RMDN3: variants seen among roughly 807,000 people sequenced by gnomAD.
RMDN3 encodes regulator of microtubule dynamics 3.
RMDN3 carries 41 observed loss-of-function variants against 61.8 expected under a neutral mutation model. The observed-to-expected ratio is 0.66, with a 90% confidence interval of 0.52 to 0.86. The LOEUF (loss-of-function observed/expected upper bound fraction) is 0.86. Among genes scored for constraint, RMDN3 ranks in the 40% least tolerant of loss-of-function variants. RMDN3 has a pLI of 0.00. For synonymous variants in RMDN3, 247 were observed against 232.0 expected (o/e 1.06, Z -0.59); for missense variants, 557 against 585.3 (o/e 0.95, Z 0.50).
intron 4 of RMDN3, among the ~76,000 whole-genome samples, chr15:40,746,990 GA>G: frequency 6.6e-6 from 1 of 152,146 alleles, no homozygotes; most frequent in Non-Finnish European, 1.5e-5. Flanking sequence ...CCTAGAGAAT[GA>G]AACTCCCAAC....
At chr15:40,749,530 A>T (rs571716572) in intron 4 of RMDN3, among the ~76,000 whole-genome samples, 2 of 152,150 alleles carry the variant, frequency 1.3e-5, no homozygotes, top group African/African-American at 2.4e-5. Context: ...AAAACAAAAC[A>T]AAAACAAAAA....
chr15:40,744,601 G>C (rs1897431527), intron 5 of RMDN3, among the ~76,000 whole-genome samples: 1 of 152,026 alleles, frequency 6.6e-6, no homozygotes, highest in East Asian at 1.9e-4. Context: ...TTGTAATGGG[G>C]CTGGCAGCTT....
chr15:40,740,915 G>A (rs1304974595), intron 6 of RMDN3, among the ~76,000 whole-genome samples: 1 of 151,914 alleles, frequency 6.6e-6, no homozygotes, highest in East Asian at 1.9e-4. Flanking sequence ...GTGAAACCCT[G>A]CCTCTACTAA....
chr15:40,741,343 A>T (rs1034321326), intron 6 of RMDN3, among the ~76,000 whole-genome samples: 7 of 148,360 alleles, frequency 4.7e-5, no homozygotes, highest in African/African-American at 1.5e-4. Flanking sequence ...CCATCTCTTT[A>T]AAAAAAAAAA....
chr15:40,750,722 G>T (rs74011881), intron 4 of RMDN3, among the ~76,000 whole-genome samples: 4,039 of 152,256 alleles, frequency 0.027, 174 homozygotes, highest in African/African-American at 0.093. Context: ...GAAGAATAAA[G>T]GCTGGACAAG....
At position 40,751,429 on chromosome 15, in the gene RMDN3, C is replaced by T. The variant is rs769229479; in HGVS notation, c.521G>A (p.Gly174Glu). 2.5e-6 allele frequency: 4 copies of T among 1,614,166 alleles called. No homozygotes were observed. The highest frequency in any genetic ancestry group is 1.1e-5 in the South Asian group (1 of 91,082). ...GCCTCCAAGAGAGACAACTCACCCC[C>T]CTTCACTCTCAGCATCTGTGAACGT... ...GATFTDAESEGGYTTANAESD... is the reference protein window; with the variant it reads ...GATFTDAESEEGYTTANAESD... The change falls in exon 4 of 13, where the codon GGG becomes GAG. Residue 174 changes from glycine to glutamate, a missense_variant. Transcript: ENST00000338376.
Position 40,736,461 on chromosome 15 carries a change from A to G in RMDN3, c.*80T>C. 7.7e-7 allele frequency: 1 copy of G among 1,296,994 alleles called. No homozygotes were observed. The highest frequency in any genetic ancestry group is 1.5e-5 in the African/African-American group (1 of 68,342). The allele number at this position is 1,296,994 out of a possible 1,614,324, so 80.3% of individuals were successfully genotyped here. On this transcript the variant is annotated 3_prime_UTR_variant, in exon 13 of 13. Transcript: ENST00000338376. The stretch of plus-strand genomic sequence containing the variant: ...CAGATTTGTGTGGTTTCCTGATCTC[A>G]GCAAGGTCTAAGGAAAAAAGCCTCC...
chr15:40,747,130 G>A (rs1897604414), intron 4 of RMDN3, among the ~76,000 whole-genome samples: 2 of 152,222 alleles, frequency 1.3e-5, no homozygotes, highest in Non-Finnish European at 1.5e-5. Flanking sequence ...GCTAGAAGGA[G>A]GGGGAGACCC....
chr15:40,736,662 T>C, intron 12 of RMDN3, 68 bp from the exon 13 acceptor site: 1 of 1,384,830 alleles, frequency 7.2e-7, no homozygotes, highest in South Asian at 1.2e-5. Flanking sequence ...CAGTGGAACC[T>C]AAGAAGAGGG....
intron 5 of RMDN3, 90 bp downstream of exon 5, chr15:40,744,886 TA>T: frequency 7.3e-7 from 1 of 1,365,334 alleles, no homozygotes; most frequent in Non-Finnish European, 9.8e-7. Context: ...GTAGGGGCAG[TA>T]ACCACACGGG....
chr15:40,737,760 T>C, intron 9 of RMDN3, 34 bp from the exon 10 acceptor site: 7 of 1,594,716 alleles, frequency 4.4e-6, no homozygotes, highest in Non-Finnish European at 6.0e-6. Context: ...GTATAAGAGG[T>C]TTTAAAAGGT....
Position 40,736,379 on chromosome 15 carries a change from G to T in RMDN3, c.*162C>A. The T allele has an allele frequency of 3.1e-6, 2 of 638,042 alleles. No homozygotes were observed. The highest frequency in any genetic ancestry group is 5.6e-6 in the Non-Finnish European group (2 of 358,428). 39.5% of individuals were successfully genotyped at this position (638,042 alleles called of 1,614,324 possible). ...TGCCCCAATTCTAGATTAGGTTAGA[G>T]GTTAGAATAAATTAACTAATGGGGA... is the stretch of plus-strand genomic sequence containing the variant. On this transcript the variant is annotated 3_prime_UTR_variant, in exon 13 of 13. Coordinates refer to ENST00000338376, the MANE Select transcript of RMDN3 (RefSeq NM_018145.3).
chr15:40,753,553 A>G (rs569342872), intron 2 of RMDN3, among the ~76,000 whole-genome samples: 2 of 151,944 alleles, frequency 1.3e-5, no homozygotes, highest in Non-Finnish European at 2.9e-5. Context: ...GAAAAGAAAA[A>G]AAACACTCCT....
chr15:40,741,062 C>T (rs142527728), intron 6 of RMDN3, among the ~76,000 whole-genome samples: 50 of 147,184 alleles, frequency 3.4e-4, no homozygotes, highest in African/African-American at 1.2e-3. Flanking sequence ...CCAGCCTGGG[C>T]GACGAACTCC....
Position 40,737,772 on chromosome 15 carries a change from T to C in RMDN3, c.1126-46A>G, listed in dbSNP as rs754215096. 6 of 1,586,050 alleles carry C rather than the reference T, an allele frequency of 3.8e-6. No homozygotes were observed. In the Admixed American group the frequency reaches 1.0e-4, roughly 28 times the overall value. ...TGTGTATAAGAGGTTTTAAAAGGTT[T>C]TTTTTCTTTAAATCTTTGGGGATAT... On this transcript the variant is annotated intron_variant, in intron 9 of 12. Transcript: ENST00000338376.
chr15:40,740,246 T>C, intron 6 of RMDN3, 53 bp from the exon 7 acceptor site: 3 of 1,209,924 alleles, frequency 2.5e-6, no homozygotes, highest in East Asian at 2.3e-5. Context: ...CACACTTTCA[T>C]AGGAAGGCTT....
At chr15:40,745,348 T>C (rs2141914334) in intron 4 of RMDN3, 89 bp from the exon 5 acceptor site, 1 of 1,273,412 alleles carries the variant, frequency 7.9e-7, no homozygotes, top group African/African-American at 1.5e-5. Context: ...AGAAGCACTC[T>C]ACATGGCATT....
chr15:40,741,201 C>T (rs548432971), intron 6 of RMDN3, among the ~76,000 whole-genome samples: 7 of 152,178 alleles, frequency 4.6e-5, no homozygotes, highest in African/African-American at 1.7e-4. Context: ...AGAGAGATCA[C>T]AGCTTTGAAA....
At chr15:40,752,976 T>G (rs1215185677) in intron 2 of RMDN3, among the ~76,000 whole-genome samples, 9 of 152,276 alleles carry the variant, frequency 5.9e-5, no homozygotes, top group Non-Finnish European at 2.9e-5. Context: ...AAGAATGTAG[T>G]GCAAGAAAGA....
Sources: gnomAD v4.1 joint callset for allele counts (sites outside exome capture counted in the v4.1 genomes callset) on GRCh38, gnomAD v4.1.1 for gene constraint, MANE v1.5 for transcripts, NCBI Gene and HGNC (gene_info 2026-07-23, HGNC 2026-07-21) for gene names.